SLC24A2: variants seen among roughly 807,000 people sequenced by gnomAD.
SLC24A2 encodes solute carrier family 24 member 2.
SLC24A2 carries 36 observed loss-of-function variants against 62.0 expected under a neutral mutation model. The observed-to-expected ratio is 0.58, with a 90% CI of 0.44 to 0.77. The LOEUF (loss-of-function observed/expected upper bound fraction) is 0.77. Among genes scored for constraint, SLC24A2 ranks in the 30% least tolerant of loss-of-function variants. SLC24A2 has a pLI of 0.00. For missense variants in SLC24A2, 846 were observed against 817.9 expected, an observed-to-expected ratio of 1.03 and a Z score of -0.42; for synonymous variants, 358 against 294.0, an observed-to-expected ratio of 1.22 and a Z score of -2.23.
chr9:19,873,488 C>T, the SLC24A2 span, among the ~76,000 whole-genome samples: 2 of 122,054 alleles, frequency 1.6e-5, no homozygotes, highest in African/African-American at 5.9e-5. Context: ...TCCTTCCTTC[C>T]TTCTCTTTCT....
intron 8 of SLC24A2, among the ~76,000 whole-genome samples, chr9:19,535,863 T>C (rs1006608808): frequency 3.9e-5 from 6 of 152,134 alleles, no homozygotes; most frequent in Non-Finnish European, 7.3e-5. Flanking sequence ...AAAGCAGTTT[T>C]TCCAATTCTG....
the SLC24A2 span, among the ~76,000 whole-genome samples, chr9:19,965,463 A>C: frequency 6.6e-6 from 1 of 152,184 alleles, no homozygotes; most frequent in African/African-American, 2.4e-5. Context: ...AACAACTTGC[A>C]CTATCATACT....
At chr9:19,757,127 T>C (rs1005332286) in intron 2 of SLC24A2, among the ~76,000 whole-genome samples, 1 of 152,094 alleles carries the variant, frequency 6.6e-6, no homozygotes, top group African/African-American at 2.4e-5. Flanking sequence ...AGTCAATTCA[T>C]TCAATTTACC....
At chr9:19,735,804 A>G (rs550370127) in intron 2 of SLC24A2, among the ~76,000 whole-genome samples, 87 of 151,852 alleles carry the variant, frequency 5.7e-4, no homozygotes, top group African/African-American at 1.9e-3. Context: ...TGGGAATTGA[A>G]CAATGAGAAC....
the SLC24A2 span, among the ~76,000 whole-genome samples, chr9:20,089,371 G>C: frequency 2.2e-3 from 341 of 152,216 alleles, 1 homozygote; most frequent in African/African-American, 7.6e-3. Flanking sequence ...AGGCAGACCA[G>C]CATTTCTCCA....
chr9:20,164,288 A>G, the SLC24A2 span, among the ~76,000 whole-genome samples: 3 of 151,928 alleles, frequency 2.0e-5, no homozygotes, highest in South Asian at 6.2e-4. Flanking sequence ...ATTTACAAGA[A>G]AAAAACAAAC....
chr9:19,682,172 T>A (rs1204960739), intron 2 of SLC24A2, among the ~76,000 whole-genome samples: 3 of 152,136 alleles, frequency 2.0e-5, no homozygotes, highest in Non-Finnish European at 2.9e-5. Context: ...AGAGCTAAGA[T>A]TCTAACTATA....
At chr9:20,149,854 C>A in the SLC24A2 span, among the ~76,000 whole-genome samples, 2 of 151,968 alleles carry the variant, frequency 1.3e-5, no homozygotes, top group African/African-American at 4.8e-5. Flanking sequence ...GGAGTCACTA[C>A]AGAGGAGGTT....
chr9:20,179,877 C>A, the SLC24A2 span, among the ~76,000 whole-genome samples: 579 of 152,248 alleles, frequency 3.8e-3, 2 homozygotes, highest in Non-Finnish European at 7.1e-3. Flanking sequence ...TTGAACAGAA[C>A]TGCACAAAAG....
At chr9:19,647,451 CAT>C (rs1255418397) in intron 2 of SLC24A2, among the ~76,000 whole-genome samples, 2 of 152,290 alleles carry the variant, frequency 1.3e-5, no homozygotes, top group East Asian at 3.9e-4. Context: ...AGATGAGAAA[CAT>C]GTGGACATCC....
the SLC24A2 span, among the ~76,000 whole-genome samples, chr9:20,225,945 A>AAG: frequency 6.6e-6 from 1 of 151,954 alleles, no homozygotes; most frequent in Non-Finnish European, 1.5e-5. Context: ...AGAAGGGAGG[A>AAG]AGAGAGAGAG....
intron 4 of SLC24A2, among the ~76,000 whole-genome samples, chr9:19,617,616 A>G (rs1817803485): frequency 6.6e-6 from 1 of 152,082 alleles, no homozygotes; most frequent in Non-Finnish European, 1.5e-5. Flanking sequence ...CTCCTGATCT[A>G]CCTCATCTTC....
the SLC24A2 span, among the ~76,000 whole-genome samples, chr9:20,177,006 T>C: frequency 0.06 from 9,197 of 152,214 alleles, 291 homozygotes; most frequent in Non-Finnish European, 0.072. Flanking sequence ...GTCTTTACTA[T>C]GCACTCTTCT....
chr9:20,172,265 G>C, the SLC24A2 span, among the ~76,000 whole-genome samples: 1 of 151,792 alleles, frequency 6.6e-6, no homozygotes, highest in Non-Finnish European at 1.5e-5. Flanking sequence ...AAAGAGCACA[G>C]GCAATCTTAG....
intron 8 of SLC24A2, among the ~76,000 whole-genome samples, chr9:19,545,179 T>G (rs981214367): frequency 7.9e-5 from 12 of 152,112 alleles, no homozygotes; most frequent in African/African-American, 2.9e-4. Flanking sequence ...ATTAAGTTGA[T>G]CTTCACTTTC....
At chr9:20,062,024 C>T in the SLC24A2 span, among the ~76,000 whole-genome samples, 2 of 152,060 alleles carry the variant, frequency 1.3e-5, no homozygotes, top group Non-Finnish European at 2.9e-5. Context: ...TTGCTTGAGG[C>T]CAGGAGTTCA....
At chr9:19,527,231 A>T (rs568359706) in intron 9 of SLC24A2, among the ~76,000 whole-genome samples, 32 of 152,224 alleles carry the variant, frequency 2.1e-4, no homozygotes, top group Non-Finnish European at 4.3e-4. Flanking sequence ...TATGTAGTTT[A>T]TAATAGAGAT....
At chr9:20,259,415 T>G in the SLC24A2 span, among the ~76,000 whole-genome samples, 1 of 152,152 alleles carries the variant, frequency 6.6e-6, no homozygotes. Context: ...CATACTGCTG[T>G]GTGGGAGGAT....
At chr9:19,664,456 A>T (rs1819190968) in intron 2 of SLC24A2, among the ~76,000 whole-genome samples, 1 of 152,214 alleles carries the variant, frequency 6.6e-6, no homozygotes, top group African/African-American at 2.4e-5. Flanking sequence ...AACCCTGAAA[A>T]TTGGATATTA....
Sources: allele counts gnomAD v4.1 joint callset (sites outside exome capture counted in the v4.1 genomes callset), GRCh38; gene constraint gnomAD v4.1.1; transcripts MANE v1.5; gene names NCBI Gene and HGNC (gene_info 2026-07-23, HGNC 2026-07-21).